HIVEP3: variants seen among roughly 807,000 people sequenced by gnomAD.
The protein encoded by HIVEP3 is HIVEP zinc finger 3.
A neutral mutation model predicts 152.8 loss-of-function variants in HIVEP3; 49 were observed. The observed-to-expected ratio is 0.32, with a 90% confidence interval of 0.26 to 0.41. The LOEUF (loss-of-function observed/expected upper bound fraction) is 0.41. Ranked by LOEUF, HIVEP3 falls within the 10% of genes least tolerant of loss-of-function variation. The pLI is 1.00. For synonymous variants in HIVEP3, 1,269 were observed against 1,289.0 expected, an observed-to-expected ratio of 0.98 and a Z score of 0.33; for missense variants, 2,790 against 3,103.3, an observed-to-expected ratio of 0.90 and a Z score of 2.40.
At chr1:41,772,561 C>T (rs1268427809) in intron 1 of HIVEP3, among the ~76,000 whole-genome samples, 1 of 152,128 alleles carries the variant, frequency 6.6e-6, no homozygotes, top group African/African-American at 2.4e-5. Flanking sequence ...AAGAAGCCAT[C>T]GGCATGGTTT....
intron 1 of HIVEP3, among the ~76,000 whole-genome samples, chr1:41,893,443 A>G (rs903172439): frequency 3.3e-5 from 5 of 152,158 alleles, no homozygotes; most frequent in Non-Finnish European, 5.9e-5. Context: ...TGGTTGTCAC[A>G]TCTGGGGGTC....
intron 2 of HIVEP3, among the ~76,000 whole-genome samples, chr1:41,651,411 C>CA (rs35508121): frequency 0.051 from 4,497 of 88,796 alleles, 177 homozygotes; most frequent in Admixed American, 0.17. Flanking sequence ...AACTCCATCT[C>CA]AAAAAAAAAA....
intron 1 of HIVEP3, among the ~76,000 whole-genome samples, chr1:42,015,567 A>G (rs942814391): frequency 6.6e-6 from 1 of 152,224 alleles, no homozygotes; most frequent in African/African-American, 2.4e-5. Context: ...ACCAAGGACA[A>G]TATCACCCCA....
intron 1 of HIVEP3, among the ~76,000 whole-genome samples, chr1:41,803,660 G>A (rs570428487): frequency 1.1e-4 from 17 of 152,332 alleles, no homozygotes; most frequent in African/African-American, 3.8e-4. Flanking sequence ...TTCCCTCCAC[G>A]TGAAGCTGGA....
intron 1 of HIVEP3, among the ~76,000 whole-genome samples, chr1:41,784,253 A>C (rs913475898): frequency 2.0e-4 from 30 of 152,268 alleles, no homozygotes; most frequent in Non-Finnish European, 2.4e-4. Flanking sequence ...GTTTAAGCAC[A>C]TACTTTATTT....
chr1:41,710,451 T>G (rs1385557574), intron 1 of HIVEP3, among the ~76,000 whole-genome samples: 13 of 152,134 alleles, frequency 8.5e-5, no homozygotes, highest in Admixed American at 8.5e-4. Flanking sequence ...TGTGAAGTGG[T>G]CAATGAATTC....
At chr1:41,544,897 T>TCATCACCACCAC (rs1643674332) in intron 5 of HIVEP3, among the ~76,000 whole-genome samples, 1 of 878 alleles carries the variant, frequency 1.1e-3, no homozygotes, top group Non-Finnish European at 1.9e-3. Context: ...ACCACCACCA[T>TCATCACCACCAC]CACCACCACC....
chr1:41,806,218 C>A (rs1650599476), intron 1 of HIVEP3, among the ~76,000 whole-genome samples: 1 of 152,166 alleles, frequency 6.6e-6, no homozygotes, highest in Non-Finnish European at 1.5e-5. Flanking sequence ...CAGCAGCCAC[C>A]CCCCAGGGCT....
At chr1:41,917,999 C>T (rs34538877) in intron 1 of HIVEP3, among the ~76,000 whole-genome samples, 45,700 of 150,822 alleles carry the variant, frequency 0.3, 8,604 homozygotes, top group Non-Finnish European at 0.43. Context: ...GATGCCTAAG[C>T]CCCCCAGCCG....
chr1:41,968,067 AC>A (rs1645209216), intron 1 of HIVEP3, among the ~76,000 whole-genome samples: 1 of 152,154 alleles, frequency 6.6e-6, no homozygotes, highest in Non-Finnish European at 1.5e-5. Flanking sequence ...TAGCCTACCA[AC>A]CAAAAAAAGC....
intron 1 of HIVEP3, among the ~76,000 whole-genome samples, chr1:41,781,552 C>G (rs571418625): frequency 6.6e-5 from 10 of 152,202 alleles, no homozygotes; most frequent in Non-Finnish European, 1.3e-4. Context: ...CTCCCTCTGG[C>G]CTTCTAGCTG....
chr1:41,953,798 G>A (rs1046506347), intron 1 of HIVEP3, among the ~76,000 whole-genome samples: 1 of 152,238 alleles, frequency 6.6e-6, no homozygotes, highest in East Asian at 1.9e-4. Flanking sequence ...AGGAGAAGAA[G>A]AGGACAAAGA....
intron 1 of HIVEP3, among the ~76,000 whole-genome samples, chr1:41,786,963 G>A (rs1373061491): frequency 1.3e-5 from 2 of 151,948 alleles, no homozygotes; most frequent in Non-Finnish European, 2.9e-5. Flanking sequence ...TATTGGCCAG[G>A]ATGGTCTCAA....
intron 2 of HIVEP3, among the ~76,000 whole-genome samples, chr1:41,699,399 G>A (rs1264820344): frequency 1.3e-5 from 2 of 152,200 alleles, no homozygotes; most frequent in African/African-American, 2.4e-5. Flanking sequence ...TTCTACCAAC[G>A]GAGGAAACTG....
chr1:41,635,621 C>T lies in HIVEP3; in HGVS notation c.-720-6674G>A, dbSNP rs370547893. On this transcript the variant is annotated intron_variant, in intron 2 of 8. Transcript: ENST00000372583. ...ACGTATGTATATATACATACATATA[C>T]ATACGTATGTATATATACATACATA... 2.5e-4 allele frequency among the ~76,000 whole-genome samples: 4 copies of T among 16,080 alleles called. 1 individual carries two copies. Among genetic ancestry groups the T allele is most frequent in the Non-Finnish European group, 4.1e-4 (4 of 9,848 alleles). 10.5% of individuals were successfully genotyped at this position (16,080 alleles called of 152,430 possible).
chr1:41,580,884 A>G lies in HIVEP3; in HGVS notation c.3914T>C (p.Leu1305Pro). The change falls in exon 4 of 9, where the codon CTG becomes CCG. Residue 1305 changes from leucine to proline, a missense_variant. Leu to Pro is a moderately conservative substitution (Grantham distance 98). Transcript: ENST00000372583. Reference protein sequence around the residue: ...SSSAPTSAPPLALPACPDTMV... With the variant: ...SSSAPTSAPPPALPACPDTMV... ...GGTGTCTGGACAGGCAGGCAGGGCC[A>G]GTGGAGGAGCTGATGTAGGTGCTGA... The G allele has an allele frequency of 6.2e-7, 1 of 1,610,116 alleles. No homozygotes were observed. The highest frequency in any genetic ancestry group is 8.5e-7 in the Non-Finnish European group (1 of 1,178,334).
intron 1 of HIVEP3, among the ~76,000 whole-genome samples, chr1:41,929,115 T>C (rs1361089924): frequency 6.6e-6 from 1 of 152,212 alleles, no homozygotes; most frequent in African/African-American, 2.4e-5. Flanking sequence ...TCAGGTGAAC[T>C]GTCTGCAGCA....
chr1:41,839,895 G>A (rs942886719), intron 1 of HIVEP3, among the ~76,000 whole-genome samples: 1 of 152,130 alleles, frequency 6.6e-6, no homozygotes, highest in African/African-American at 2.4e-5. Context: ...ATTCTCAGGA[G>A]GGTTTAGAGC....
chr1:41,899,107 T>C (rs1283585349), intron 1 of HIVEP3, among the ~76,000 whole-genome samples: 1 of 152,260 alleles, frequency 6.6e-6, no homozygotes, highest in Non-Finnish European at 1.5e-5. Context: ...TCTGCCACTA[T>C]ATCCTGAATT....
Sources: allele counts gnomAD v4.1 joint callset (sites outside exome capture counted in the v4.1 genomes callset), GRCh38; gene constraint gnomAD v4.1.1; transcripts MANE v1.5; gene names NCBI Gene and HGNC (gene_info 2026-07-23, HGNC 2026-07-21).